Variants in POLR2D observed in about 807,000 individuals in gnomAD.
POLR2D encodes DNA-directed RNA polymerase II subunit RPB4.
POLR2D carries 10 observed loss-of-function variants against 17.6 expected under a neutral mutation model. The ratio of observed to expected loss-of-function variants is 0.57; its 90% CI spans 0.35 to 0.96. The LOEUF is 0.96. Among genes scored for constraint, POLR2D ranks in the 40% least tolerant of loss-of-function variants. The pLI, the probability that POLR2D is intolerant of heterozygous loss-of-function variation, is 0.02. For missense variants in POLR2D, 126 were observed against 176.4 expected, an observed-to-expected ratio of 0.71 and a Z score of 1.62; for synonymous variants, 52 against 60.2, an observed-to-expected ratio of 0.86 and a Z score of 0.63.
rs908844160 is a variant in POLR2D, at chr2:127,844,476, T to C, written c.*3631A>G. ...TCTTTCCTGATTTTACACAGTACAA[T>C]GAGCCTAACAATGTTTCACAAATTG... On this transcript the variant is annotated 3_prime_UTR_variant, in exon 4 of 4. Coordinates refer to ENST00000272645, the MANE Select transcript of POLR2D (RefSeq NM_004805.4). 2 of 152,218 alleles carry C rather than the reference T, an allele frequency of 1.3e-5. No homozygotes were observed. The highest frequency in any genetic ancestry group is 2.4e-5 in the African/African-American group (1 of 41,456). The allele number at this position is 152,218 out of a possible 1,614,324, so 9.4% of individuals were successfully genotyped here.
intron 1 of POLR2D, among the ~76,000 whole-genome samples, chr2:127,856,299 A>AAAAAAAAAAAAAAAAAAAAAAC (rs1690327652): frequency 7.0e-6 from 1 of 141,930 alleles, no homozygotes; most frequent in Non-Finnish European, 1.5e-5. Flanking sequence ...TCAAAAAAAA[A>AAAAAAAAAAAAAAAAAAAAAAC]AAAAAAAAAA....
intron 1 of POLR2D, among the ~76,000 whole-genome samples, chr2:127,855,477 C>T (rs1573521383): frequency 6.7e-6 from 1 of 150,036 alleles, no homozygotes; most frequent in South Asian, 2.1e-4. Context: ...AGGAATGGAA[C>T]TTTTAGGACA....
chr2:127,850,953 G>C (rs1194859374), intron 2 of POLR2D, among the ~76,000 whole-genome samples: 1 of 152,160 alleles, frequency 6.6e-6, no homozygotes, highest in African/African-American at 2.4e-5. Context: ...AGGCGCAGTG[G>C]CTCACGCCTG....
intron 3 of POLR2D, 124 bp downstream of exon 3, chr2:127,850,464 AGG>A (rs1690234149): frequency 1.0e-5 from 4 of 384,894 alleles, no homozygotes; most frequent in South Asian, 4.5e-5. Context: ...AAAAAAAAAA[AGG>A]CACTTTCATT....
intron 3 of POLR2D, 142 bp downstream of exon 3, chr2:127,850,440 CAAAAAAAA>C (rs60975701): frequency 5.0e-4 from 54 of 108,444 alleles, no homozygotes; most frequent in Middle Eastern, 4.4e-3. Flanking sequence ...AACTCCGTCT[CAAAAAAAA>C]AAAAAAAAAA....
At position 127,858,124 on chromosome 2, in the gene POLR2D, C is replaced by T. The variant is rs758249262; in HGVS notation, c.-24G>A. 5.0e-5 allele frequency: 72 copies of T among 1,437,496 alleles called. No individual in the cohort carries two copies. The highest frequency in any genetic ancestry group is 6.4e-5 in the Non-Finnish European group (70 of 1,091,998). The allele number at this position is 1,437,496 out of a possible 1,614,324, so 89.0% of individuals were successfully genotyped here. On this transcript the variant is annotated 5_prime_UTR_variant, in exon 1 of 4. Coordinates refer to ENST00000272645, the MANE Select transcript of POLR2D (RefSeq NM_004805.4). ...ATCGCCGCGCCGCGCCGCGCGCCACCACCAGCGCCGCCGGAAGCAGAAGCG... is the reference window on the plus strand; with the variant it reads ...ATCGCCGCGCCGCGCCGCGCGCCACTACCAGCGCCGCCGGAAGCAGAAGCG...
At position 127,845,671 on chromosome 2, in the gene POLR2D, G is replaced by A. The variant is rs1220627669; in HGVS notation, c.*2436C>T. 1 of 152,110 alleles carries A rather than the reference G, an allele frequency of 6.6e-6. No homozygotes were observed. The highest frequency in any genetic ancestry group is 6.6e-5 in the Admixed American group (1 of 15,254). The allele number at this position is 152,110 out of a possible 1,614,324, so 9.4% of individuals were successfully genotyped here. On this transcript the variant is annotated 3_prime_UTR_variant, in exon 4 of 4. Transcript: ENST00000272645. ...ATTACAAGGGTGAGCCACCACGCCT[G>A]GCCCAATTTCATTTATTTTCCAAGT... is the stretch of plus-strand genomic sequence containing the variant.
chr2:127,851,211 G>A (rs748564910), intron 2 of POLR2D, among the ~76,000 whole-genome samples: 4 of 151,940 alleles, frequency 2.6e-5, no homozygotes, highest in South Asian at 2.1e-4. Flanking sequence ...ACTAGACTCC[G>A]TCTCAAAACA....
In POLR2D at chr2:127,846,777, C is replaced by T. The variant is rs73955342; in HGVS notation, c.*1330G>A. 0.023 allele frequency: 3,749 copies of T among 160,358 alleles called. 141 individuals carry two copies. Among genetic ancestry groups the T allele is most frequent in the African/African-American group, 0.084 (3,507 of 41,758 alleles). 9.9% of individuals were successfully genotyped at this position (160,358 alleles called of 1,614,324 possible). A position where few individuals can be genotyped will look rare whatever the true frequency, so the allele number is the denominator to read the frequency against. On this transcript the variant is annotated 3_prime_UTR_variant, in exon 4 of 4. Transcript: ENST00000272645. ...TCATGGGGCAGCACCTGCAGGTCTA[C>T]GTTGGGGTGGAGGTGTTCGGTCCTT...
chr2:127,857,843 T>G (rs1180916505), intron 1 of POLR2D, 185 bp downstream of exon 1: 2 of 1,322,932 alleles, frequency 1.5e-6, no homozygotes, highest in Non-Finnish European at 1.9e-6. Flanking sequence ...ATAACCCAGT[T>G]GCCCAGGCGG....
At position 127,858,114 on chromosome 2, in the gene POLR2D, C is replaced by A; in HGVS notation, c.-14G>T. On this transcript the variant is annotated 5_prime_UTR_variant, in exon 1 of 4. Coordinates refer to ENST00000272645, the MANE Select transcript of POLR2D (RefSeq NM_004805.4). ...ACCCGCCGCCATCGCCGCGCCGCGCCGCGCGCCACCACCAGCGCCGCCGGA... is the reference window on the plus strand; with the variant it reads ...ACCCGCCGCCATCGCCGCGCCGCGCAGCGCGCCACCACCAGCGCCGCCGGA... 6.8e-7 allele frequency: 1 copy of A among 1,476,514 alleles called. No homozygotes were observed. Among genetic ancestry groups the A allele is most frequent in the Non-Finnish European group, 9.0e-7 (1 of 1,112,668 alleles). The allele number at this position is 1,476,514 out of a possible 1,614,324, so 91.5% of individuals were successfully genotyped here.
intron 1 of POLR2D, among the ~76,000 whole-genome samples, chr2:127,855,823 A>G (rs1690319730): frequency 2.0e-5 from 3 of 149,386 alleles, no homozygotes; most frequent in Admixed American, 1.3e-4. Context: ...ACACACACAC[A>G]ATTTATTTAG....
Position 127,847,929 on chromosome 2 carries a change from C to G in POLR2D, c.*178G>C. 1.6e-6 allele frequency: 1 copy of G among 630,920 alleles called. No homozygotes were observed. Among genetic ancestry groups the G allele is most frequent in the East Asian group, 2.8e-5 (1 of 35,092 alleles). The allele number at this position is 630,920 out of a possible 1,614,324, so 39.1% of individuals were successfully genotyped here. ...AAGGCTGCTCCAAGATTCCATGTCA[C>G]CTGGGCCTGTGAGTTATTTGAAACA... On this transcript the variant is annotated 3_prime_UTR_variant, in exon 4 of 4. Coordinates refer to ENST00000272645, the MANE Select transcript of POLR2D (RefSeq NM_004805.4).
intron 3 of POLR2D, among the ~76,000 whole-genome samples, chr2:127,849,399 C>T (rs1690209644): frequency 6.6e-6 from 1 of 152,134 alleles, no homozygotes; most frequent in African/African-American, 2.4e-5. Flanking sequence ...TAGACCAGTA[C>T]CTTCCCTCCT....
Position 127,847,728 on chromosome 2 carries a change from C to A in POLR2D, c.*379G>T. On this transcript the variant is annotated 3_prime_UTR_variant, in exon 4 of 4. Coordinates refer to ENST00000272645, the MANE Select transcript of POLR2D (RefSeq NM_004805.4). ...GGTCTTTCTCTATAAAGTCTACTAT[C>A]TTCTGGTCTAGTTTCAAAAAGTATA... 4.6e-6 allele frequency: 1 copy of A among 216,614 alleles called. No homozygotes were observed. Among genetic ancestry groups the A allele is most frequent in the Non-Finnish European group, 9.3e-6 (1 of 107,682 alleles). 13.4% of individuals were successfully genotyped at this position (216,614 alleles called of 1,614,324 possible). A position where few individuals can be genotyped will look rare whatever the true frequency, so the allele number is the denominator to read the frequency against.
chr2:127,855,446 C>T lies in POLR2D; in HGVS notation c.74-2341G>A, dbSNP rs149206108. 3.6e-3 allele frequency among the ~76,000 whole-genome samples: 529 copies of T among 147,672 alleles called. 3 individuals are homozygous for T. Among genetic ancestry groups the T allele is most frequent in the Admixed American group, 7.5e-3 (112 of 14,848 alleles). ...GAGATGGTCCCTTTCTGCACTAAAC[C>T]AAATTACTTGTTAAATGGAAAGGAA... On this transcript the variant is annotated intron_variant, in intron 1 of 3. Transcript: ENST00000272645.
chr2:127,847,398 G>A lies in POLR2D; in HGVS notation c.*709C>T, dbSNP rs1486310474. On this transcript the variant is annotated 3_prime_UTR_variant, in exon 4 of 4. Transcript: ENST00000272645. Reference sequence around the variant, plus strand: ...GTGGCTCATGCCTGTAATCTCACCAGTTTGGGAGGCCAAGGCAGGGGGATC... The same window carrying A: ...GTGGCTCATGCCTGTAATCTCACCAATTTGGGAGGCCAAGGCAGGGGGATC... 1 of 152,306 alleles carries A rather than the reference G, an allele frequency of 6.6e-6. No homozygotes were observed. Among genetic ancestry groups the A allele is most frequent in the Non-Finnish European group, 1.5e-5 (1 of 68,172 alleles). 9.4% of individuals were successfully genotyped at this position (152,306 alleles called of 1,614,324 possible). A position where few individuals can be genotyped will look rare whatever the true frequency, so the allele number is the denominator to read the frequency against.
At chr2:127,854,070 C>A (rs1392010944) in intron 1 of POLR2D, among the ~76,000 whole-genome samples, 1 of 152,182 alleles carries the variant, frequency 6.6e-6, no homozygotes, top group Non-Finnish European at 1.5e-5. Context: ...AGAATTGTTA[C>A]ATGTTAAATA....
chr2:127,856,114 C>G (rs1690324306), intron 1 of POLR2D, among the ~76,000 whole-genome samples: 1 of 151,140 alleles, frequency 6.6e-6, no homozygotes, highest in Non-Finnish European at 1.5e-5. Flanking sequence ...GAAACCTTGT[C>G]TCCACAAAAA....
Sources: allele counts gnomAD v4.1 joint callset (sites outside exome capture counted in the v4.1 genomes callset), GRCh38; gene constraint gnomAD v4.1.1; transcripts MANE v1.5; gene names NCBI Gene and HGNC (gene_info 2026-07-23, HGNC 2026-07-21).